Variants in NAALADL2 observed in about 807,000 individuals in gnomAD.
NAALADL2 encodes the protein inactive N-acetylated-alpha-linked acidic dipeptidase-like protein 2.
Under a neutral mutation model 87.2 loss-of-function variants are expected in NAALADL2, and 76 were observed. That is an observed-to-expected ratio of 0.87 (90% CI 0.72 to 1.05). The LOEUF is 1.05. NAALADL2 is among the 50% of genes least tolerant of loss of function. The pLI, the probability that NAALADL2 is intolerant of heterozygous loss-of-function variation, is 0.00. For synonymous variants in NAALADL2, 354 were observed against 331.0 expected (o/e 1.07, Z -0.75); for missense variants, 1,089 against 945.8 (o/e 1.15, Z -1.99).
chr3:175,133,703 G>C (rs898892072), intron 2 of NAALADL2, among the ~76,000 whole-genome samples: 3 of 152,166 alleles, frequency 2.0e-5, no homozygotes, highest in Non-Finnish European at 4.4e-5. Context: ...GCATCAGAGG[G>C]AGACCGTGGA....
At chr3:174,632,804 G>A (rs1722243708) in intron 2 of NAALADL2, among the ~76,000 whole-genome samples, 1 of 151,708 alleles carries the variant, frequency 6.6e-6, no homozygotes, top group Non-Finnish European at 1.5e-5. Flanking sequence ...GTGTGGTGGT[G>A]CGTGCCTCTA....
chr3:175,432,032 A>C (rs1189945925), intron 5 of NAALADL2, among the ~76,000 whole-genome samples: 1 of 152,024 alleles, frequency 6.6e-6, no homozygotes. Flanking sequence ...TTGTTGAGAA[A>C]AAAAAATAGC....
intron 3 of NAALADL2, among the ~76,000 whole-genome samples, chr3:175,239,518 C>A (rs1234669669): frequency 2.0e-5 from 3 of 152,148 alleles, no homozygotes; most frequent in Non-Finnish European, 4.4e-5. Flanking sequence ...CAGATTGGTT[C>A]TGCCAAGTTG....
At chr3:174,678,619 A>G (rs1486954359) in intron 2 of NAALADL2, among the ~76,000 whole-genome samples, 1 of 152,118 alleles carries the variant, frequency 6.6e-6, no homozygotes, top group Non-Finnish European at 1.5e-5. Context: ...TCCATTTTGC[A>G]TATTTTCATT....
intron 1 of NAALADL2, among the ~76,000 whole-genome samples, chr3:174,950,318 AC>A (rs1408626671): frequency 6.6e-6 from 1 of 151,950 alleles, no homozygotes; most frequent in African/African-American, 2.4e-5. Flanking sequence ...GTTTTATAAT[AC>A]CTGGTATATC....
chr3:174,690,862 C>T (rs908547551), intron 2 of NAALADL2, among the ~76,000 whole-genome samples: 1 of 151,928 alleles, frequency 6.6e-6, no homozygotes, highest in Non-Finnish European at 1.5e-5. Context: ...AAATGGGTAG[C>T]GTGTGTGTAT....
chr3:175,720,798 C>A (rs1742132444), intron 11 of NAALADL2, among the ~76,000 whole-genome samples: 1 of 151,908 alleles, frequency 6.6e-6, no homozygotes, highest in Non-Finnish European at 1.5e-5. Flanking sequence ...TAATTTGCAA[C>A]CTAGAATTCT....
intron 9 of NAALADL2, among the ~76,000 whole-genome samples, chr3:175,546,338 T>C (rs1036196752): frequency 1.3e-5 from 2 of 152,128 alleles, no homozygotes; most frequent in Non-Finnish European, 2.9e-5. Flanking sequence ...CTTGGTTCGT[T>C]ATCCAGCATG....
intron 2 of NAALADL2, among the ~76,000 whole-genome samples, chr3:175,231,567 A>G (rs550906473): frequency 6.6e-6 from 1 of 152,098 alleles, no homozygotes; most frequent in Non-Finnish European, 1.5e-5. Context: ...TCGAGGCCTT[A>G]TAGTATAAAC....
rs150586026 is a variant in NAALADL2 at position 175,369,323 on chromosome 3, G to T, written c.1090+44998G>T. 8.8e-3 allele frequency among the ~76,000 whole-genome samples: 1,345 copies of T among 152,052 alleles called. 14 individuals carry two copies. Among genetic ancestry groups the T allele is most frequent in the African/African-American group, 0.031 (1,284 of 41,408 alleles). On this transcript the variant is annotated intron_variant, in intron 5 of 13. Transcript: ENST00000454872. ...GTGTAATTATATATGTAACAAGTAT[G>T]TGTGTGCCTGTGTGCGTGTGTGTAC...
chr3:175,025,058 T>G (rs1400078400), intron 1 of NAALADL2, among the ~76,000 whole-genome samples: 10 of 152,156 alleles, frequency 6.6e-5, no homozygotes, highest in Non-Finnish European at 1.2e-4. Context: ...AAAATTGAAC[T>G]TGAATCAAAT....
At chr3:174,590,601 T>G (rs1453545348) in intron 2 of NAALADL2, among the ~76,000 whole-genome samples, 1 of 152,138 alleles carries the variant, frequency 6.6e-6, no homozygotes, top group Non-Finnish European at 1.5e-5. Flanking sequence ...GTTTCATAAG[T>G]GAATAGAGCA....
At chr3:175,119,650 T>C (rs1725813650) in intron 2 of NAALADL2, among the ~76,000 whole-genome samples, 1 of 146,490 alleles carries the variant, frequency 6.8e-6, no homozygotes, top group Non-Finnish European at 1.5e-5. Context: ...GTTTTTAGTT[T>C]GTTTAACTTG....
rs377273170 is a variant in NAALADL2, at chr3:174,932,892, C to T, written c.43+73442C>T. ...CACCACTTTGGGAGGCTGAGGCGGA[C>T]GGGTCACCTGAGGTCAGAAGTTGGA... On this transcript the variant is annotated intron_variant, in intron 1 of 13. Transcript: ENST00000454872. Among the ~76,000 whole-genome samples, 10 of 152,154 alleles carry T rather than the reference C, an allele frequency of 6.6e-5. No homozygotes were observed. The East Asian group carries it at 7.8e-4, about 12-fold the overall frequency.
At chr3:175,448,838 T>A (rs1217177317) in intron 6 of NAALADL2, among the ~76,000 whole-genome samples, 1 of 151,968 alleles carries the variant, frequency 6.6e-6, no homozygotes, top group Non-Finnish European at 1.5e-5. Flanking sequence ...GCCTCCCAAG[T>A]AGCTAGGACT....
At chr3:175,023,747 A>G (rs1751865773) in intron 1 of NAALADL2, among the ~76,000 whole-genome samples, 1 of 152,236 alleles carries the variant, frequency 6.6e-6, no homozygotes, top group East Asian at 1.9e-4. Flanking sequence ...CAAGAGACCA[A>G]TCTCCTATAG....
At chr3:174,764,229 G>C (rs1420342762) in intron 3 of NAALADL2, among the ~76,000 whole-genome samples, 2 of 152,228 alleles carry the variant, frequency 1.3e-5, no homozygotes, top group African/African-American at 4.8e-5. Context: ...ACCACAGCAT[G>C]TACCTGTACT....
rs76461605 is a variant in NAALADL2, at chr3:174,625,349, C to T, written c.-115+74712C>T. On this transcript the variant is annotated intron_variant, in intron 2 of 3. Transcript: ENST00000434257. ...TTAGTACTACAGCCATAAGCCACCACGCCTGGCCTATAAGTTTATTTGATG... is the reference window on the plus strand; with the variant it reads ...TTAGTACTACAGCCATAAGCCACCATGCCTGGCCTATAAGTTTATTTGATG... 7.1e-3 allele frequency among the ~76,000 whole-genome samples: 1,080 copies of T among 152,062 alleles called. 13 individuals are homozygous for T. The highest frequency in any genetic ancestry group is 0.024 in the African/African-American group (1,015 of 41,504).
At chr3:175,134,697 A>T (rs540803113) in intron 2 of NAALADL2, among the ~76,000 whole-genome samples, 1 of 152,290 alleles carries the variant, frequency 6.6e-6, no homozygotes, top group East Asian at 1.9e-4. Flanking sequence ...TAAGTAAGGG[A>T]GATAAAGTAT....
Sources: gnomAD v4.1 joint callset for allele counts (sites outside exome capture counted in the v4.1 genomes callset) on GRCh38, gnomAD v4.1.1 for gene constraint, MANE v1.5 for transcripts, NCBI Gene and HGNC (gene_info 2026-07-23, HGNC 2026-07-21) for gene names.